The following TEX10 variants were observed in gnomAD, a reference collection of about 807,000 sequenced individuals.
TEX10 encodes the protein testis expressed 10.
Under a neutral mutation model 104.4 loss-of-function variants are expected in TEX10, and 24 were observed. The ratio of observed to expected loss-of-function variants is 0.23; its 90% CI spans 0.17 to 0.32. TEX10 has a LOEUF of 0.32. Among genes scored for constraint, TEX10 ranks in the 10% least tolerant of loss-of-function variants. TEX10 has a pLI of 1.00. For synonymous variants in TEX10, 396 were observed against 393.4 expected (o/e 1.01, Z -0.08); for missense variants, 921 against 1,083.9 (o/e 0.85, Z 2.11).
Position 100,303,767 on chromosome 9 carries a change from C to T in TEX10, c.2541G>A (p.Leu847=), listed in dbSNP as rs772227370. The T allele has an allele frequency of 1.9e-6, 3 of 1,614,126 alleles. No homozygotes were observed. The South Asian group carries it at 3.3e-5, about 18-fold the overall frequency. The change falls in exon 14 of 15, where the codon CTG becomes CTA. Residue 847 remains leucine (L), a synonymous_variant. Coordinates refer to ENST00000374902, the MANE Select transcript of TEX10 (RefSeq NM_017746.4). The part of the protein sequence containing the change: ...PRVLRLMLQS[L]RVNRVGPEEL... ...CCTCAGGCCCAACTCTGTTCACCCGCAGGCTCTGCAGCATCAACCTGAGGA... is the reference window on the plus strand; with the variant it reads ...CCTCAGGCCCAACTCTGTTCACCCGTAGGCTCTGCAGCATCAACCTGAGGA...
At chr9:100,337,031 A>C (rs920180816) in intron 5 of TEX10, among the ~76,000 whole-genome samples, 51 of 152,262 alleles carry the variant, frequency 3.3e-4, no homozygotes, top group African/African-American at 1.1e-3. Flanking sequence ...TGTCACTTCC[A>C]TCAGGGCAGC....
intron 5 of TEX10, 70 bp from the exon 6 acceptor site, chr9:100,330,239 A>G (rs560135255): frequency 1.7e-6 from 2 of 1,166,722 alleles, no homozygotes; most frequent in East Asian, 4.7e-5. Context: ...AATACTTAAA[A>G]TAATCTATCA....
At position 100,346,959 on chromosome 9, in the gene TEX10, G is replaced by A; in HGVS notation, c.628C>T (p.Leu210Phe). ...INRDRSQSWI[L>F]SVNPNRRLTS... is the part of the protein sequence containing the mutation. The stretch of plus-strand genomic sequence containing the variant: ...AGTCTCCGATTAGGATTTACAGAAA[G>A]TATCCAGGACTGGGATCTGTCTCTA... Residue 210 changes from leucine (L) to phenylalanine (F), a missense_variant, in exon 3 of 15, where the codon CTT (leucine) becomes TTT (phenylalanine). Leu to Phe is a conservative substitution (Grantham distance 22). This residue lies in a region of TEX10 where 753 missense variants were observed against 868.4 expected (regional missense o/e 0.87). Coordinates refer to ENST00000374902, the MANE Select transcript of TEX10 (RefSeq NM_017746.4). 1.2e-6 allele frequency: 2 copies of A among 1,614,204 alleles called. No individual in the cohort carries two copies. The highest frequency in any genetic ancestry group is 2.2e-5 in the East Asian group (1 of 44,888).
chr9:100,346,331 A>C lies in TEX10; in HGVS notation c.894-16T>G, dbSNP rs1564221355. 6.3e-7 allele frequency: 1 copy of C among 1,585,490 alleles called. No homozygotes were observed. The highest frequency in any genetic ancestry group is 2.2e-5 in the East Asian group (1 of 44,640). ...AACCAGATACCTAATAAGGGTAAGA[A>C]AGAAAAAAATTAAGTGATTAAAAAA... On this transcript the variant is annotated splice_polypyrimidine_tract_variant and intron_variant, in intron 3 of 14. Coordinates refer to ENST00000374902, the MANE Select transcript of TEX10 (RefSeq NM_017746.4).
intron 5 of TEX10, among the ~76,000 whole-genome samples, chr9:100,331,842 T>C (rs923630134): frequency 2.6e-5 from 4 of 152,314 alleles, no homozygotes; most frequent in Admixed American, 2.6e-4. Flanking sequence ...GGGTCAATAC[T>C]GGTATGAACT....
rs1016760342 is a variant in TEX10, at chr9:100,308,700, G to C, written c.2284-19C>G. On this transcript the variant is annotated intron_variant, in intron 12 of 14. Transcript: ENST00000374902. ...ACCCAACCTAAGCAGAGAAAAACGA[G>C]ATTAATCACCTCTTCATAACAGACC... 8 of 1,565,010 alleles carry C rather than the reference G, an allele frequency of 5.1e-6. No homozygotes were observed. Among genetic ancestry groups the C allele is most frequent in the Non-Finnish European group, 6.9e-6 (8 of 1,158,102 alleles).
chr9:100,329,001 C>G (rs1345786254), intron 7 of TEX10, 139 bp downstream of exon 7: 1 of 955,786 alleles, frequency 1.0e-6, no homozygotes. Flanking sequence ...AAATTTTATA[C>G]CATTTCTTAA....
intron 5 of TEX10, among the ~76,000 whole-genome samples, chr9:100,334,948 A>C (rs528911429): frequency 5.3e-5 from 8 of 152,144 alleles, no homozygotes; most frequent in Non-Finnish European, 1.0e-4. Flanking sequence ...TACAGGCGTG[A>C]GCCACCGCGC....
At chr9:100,344,513 C>T (rs1835251897) in intron 4 of TEX10, among the ~76,000 whole-genome samples, 1 of 151,602 alleles carries the variant, frequency 6.6e-6, no homozygotes, top group Non-Finnish European at 1.5e-5. Flanking sequence ...AATCAAACAC[C>T]GAAGAAGCTT....
chr9:100,337,257 A>G (rs1268857571), intron 5 of TEX10, among the ~76,000 whole-genome samples: 2 of 152,244 alleles, frequency 1.3e-5, no homozygotes, highest in East Asian at 1.9e-4. Flanking sequence ...AACTAGTACA[A>G]TAAGTGCCTT....
chr9:100,312,832 A>G (rs990372382), intron 11 of TEX10, among the ~76,000 whole-genome samples: 2 of 152,204 alleles, frequency 1.3e-5, no homozygotes, highest in South Asian at 2.1e-4. Context: ...TTCAAGACCT[A>G]TAAGTAAACA....
intron 5 of TEX10, among the ~76,000 whole-genome samples, chr9:100,333,576 C>T (rs560984326): frequency 1.8e-4 from 26 of 144,726 alleles, no homozygotes; most frequent in Middle Eastern, 3.6e-3. Flanking sequence ...GAGGCTAAGG[C>T]GGGAGGATCC....
At position 100,329,136 on chromosome 9, in the gene TEX10, T is replaced by G; in HGVS notation, c.1625+4A>C. 1 of 1,587,464 alleles carries G rather than the reference T, an allele frequency of 6.3e-7. No individual in the cohort carries two copies. The highest frequency in any genetic ancestry group is 8.5e-7 in the Non-Finnish European group (1 of 1,174,008). ...AAAAGAAAGGAAAAATAACAAGATT[T>G]TACCTGAATCTACAAGATCTCAGTT... On this transcript the variant is annotated splice_donor_region_variant and intron_variant, in intron 7 of 14. Transcript: ENST00000374902.
rs1302573974 is a variant in TEX10, at chr9:100,352,903, C to G, written c.-141G>C. On this transcript the variant is annotated 5_prime_UTR_variant, in exon 1 of 15. Transcript: ENST00000374902. ...GAGCGTGTTTTCAAATAGCCTCGTC[C>G]TCACGCGGCCGCGTCTCCTTCCGCC... is the stretch of plus-strand genomic sequence containing the variant. 2 of 991,464 alleles carry G rather than the reference C, an allele frequency of 2.0e-6. No homozygotes were observed. The highest frequency in any genetic ancestry group is 3.5e-5 in the African/African-American group (2 of 57,452). The allele number at this position is 991,464 out of a possible 1,614,324, so 61.4% of individuals were successfully genotyped here.
At chr9:100,330,333 T>C (rs2118889575) in intron 5 of TEX10, among the ~76,000 whole-genome samples, 164 bp from the exon 6 acceptor site, 1 of 152,356 alleles carries the variant, frequency 6.6e-6, no homozygotes, top group South Asian at 2.1e-4. Flanking sequence ...CACAGTTCTA[T>C]AAATAAACCA....
intron 10 of TEX10, 38 bp downstream of exon 10, chr9:100,321,645 G>A: frequency 6.6e-7 from 1 of 1,526,062 alleles, no homozygotes. Flanking sequence ...TTCATATTAG[G>A]TTTTTTCTTT....
At chr9:100,322,869 G>T (rs937026840) in intron 9 of TEX10, among the ~76,000 whole-genome samples, 2 of 152,114 alleles carry the variant, frequency 1.3e-5, no homozygotes, top group Non-Finnish European at 2.9e-5. Flanking sequence ...ACCTGCCTCG[G>T]TCTCCCAGAG....
intron 5 of TEX10, among the ~76,000 whole-genome samples, chr9:100,331,316 A>T (rs1013448710): frequency 6.6e-6 from 1 of 152,202 alleles, no homozygotes; most frequent in African/African-American, 2.4e-5. Flanking sequence ...AAGTGCCTGT[A>T]GTCCTAGCTA....
chr9:100,340,044 C>A (rs892271976), intron 5 of TEX10, among the ~76,000 whole-genome samples: 3 of 152,066 alleles, frequency 2.0e-5, no homozygotes, highest in African/African-American at 7.2e-5. Flanking sequence ...CACAAAAAAA[C>A]CATTTTACAG....
Sources: gnomAD v4.1 joint callset for allele counts (sites outside exome capture counted in the v4.1 genomes callset) on GRCh38, gnomAD v4.1.1 for gene constraint, gnomAD v4.1.1 regional missense constraint, MANE v1.5 for transcripts, NCBI Gene and HGNC (gene_info 2026-07-23, HGNC 2026-07-21) for gene names.